DCHS2: variants seen among roughly 807,000 people sequenced by gnomAD.
DCHS2 encodes the protein dachsous cadherin-related 2, also known as protocadherin-23.
Under a neutral mutation model 182.4 loss-of-function variants are expected in DCHS2, and 142 were observed. That is an observed-to-expected ratio of 0.78 (90% CI 0.68 to 0.89). The LOEUF is 0.89. DCHS2 is among the 40% of genes least tolerant of loss of function. The probability of loss-of-function intolerance (pLI) is 0.00; values close to 1 mark genes in which losing one functional copy is unlikely to be tolerated. For missense variants in DCHS2, 4,319 were observed against 4,198.6 expected (o/e 1.03, Z -0.79); for synonymous variants, 1,740 against 1,663.3 (o/e 1.05, Z -1.12).
intron 13 of DCHS2, among the ~76,000 whole-genome samples, chr4:154,278,992 T>A (rs1357880561): frequency 6.6e-6 from 1 of 152,004 alleles, no homozygotes; most frequent in African/African-American, 2.4e-5. Context: ...GATGAAAAAA[T>A]CACTTTTATT....
chr4:154,312,906 A>G (rs1735720722), intron 10 of DCHS2, among the ~76,000 whole-genome samples: 1 of 152,182 alleles, frequency 6.6e-6, no homozygotes, highest in South Asian at 2.1e-4. Context: ...TGCATCTTAC[A>G]ATTAATGGTG....
rs188707456 is a variant in DCHS2 at position 154,486,513 on chromosome 4, G to A, written c.2052+2791C>T. The A allele has an allele frequency of 2.3e-4, 306 of 1,304,522 alleles. 2 individuals are homozygous for A. The highest frequency in any genetic ancestry group is 2.2e-5 in the Non-Finnish European group (22 of 988,230). 80.8% of individuals were successfully genotyped at this position (1,304,522 alleles called of 1,614,324 possible). A position where few individuals can be genotyped will look rare whatever the true frequency, so the allele number is the denominator to read the frequency against. On this transcript the variant is annotated intron_variant, in intron 1 of 19. Transcript: ENST00000357232. ...GATTTTGACAAAGGCAACTTGAGCA[G>A]ATATAAGCTGTAAAAGAGGAAAACT...
chr4:154,279,781 A>C (rs1291920712), intron 13 of DCHS2, among the ~76,000 whole-genome samples: 18 of 152,032 alleles, frequency 1.2e-4, no homozygotes, highest in Admixed American at 1.2e-3. Flanking sequence ...AAAAGAAGAA[A>C]GATCTCAAAT....
At chr4:154,321,609 T>G (rs1736064971) in intron 8 of DCHS2, among the ~76,000 whole-genome samples, 1 of 152,214 alleles carries the variant, frequency 6.6e-6, no homozygotes, top group Admixed American at 6.6e-5. Context: ...TGTGTACATT[T>G]AAGTATCATA....
At position 154,489,541 on chromosome 4, in the gene DCHS2, A is replaced by G. The variant is rs1728714223; in HGVS notation, c.1815T>C (p.Ser605=). 1.3e-6 allele frequency: 2 copies of G among 1,551,550 alleles called. No homozygotes were observed. The highest frequency in any genetic ancestry group is 2.4e-5 in the South Asian group (2 of 84,056). Residue 605 remains serine (S), a synonymous_variant, in exon 1 of 20, where the codon TCT becomes TCC. Coordinates refer to ENST00000357232, the MANE Select transcript of DCHS2 (RefSeq NM_001358235.2). ...CACCGCTTTCGGAATCAATGGCAAA[A>G]GATGGTCCACACTCTGCGGTGTGGA... The part of the protein sequence containing the change: ...KMVHTAECGP[S]FAIDSESGAI...
intron 1 of DCHS2, among the ~76,000 whole-genome samples, chr4:154,466,706 A>G (rs916230293): frequency 3.9e-4 from 60 of 152,344 alleles, no homozygotes; most frequent in African/African-American, 1.4e-3. Flanking sequence ...GCCAACTTAA[A>G]AAACCAGACT....
chr4:154,355,432 C>T (rs1158617408), intron 3 of DCHS2, among the ~76,000 whole-genome samples: 2 of 152,202 alleles, frequency 1.3e-5, no homozygotes, highest in South Asian at 2.1e-4. Context: ...TTTCCTGCCC[C>T]TTTCCCAGAA....
intron 7 of DCHS2, chr4:154,323,329 G>T: frequency 6.6e-7 from 1 of 1,522,782 alleles, no homozygotes; most frequent in South Asian, 1.2e-5. Flanking sequence ...CATAGGTCTA[G>T]CTGCCAAAAA....
In DCHS2 at chr4:154,359,243, C is replaced by G. The variant is rs150104386; in HGVS notation, c.2476+6967G>C. Among the ~76,000 whole-genome samples, 609 of 151,984 alleles carry G rather than the reference C, an allele frequency of 4.0e-3. 5 individuals carry two copies. The highest frequency in any genetic ancestry group is 0.014 in the African/African-American group (589 of 41,512). On this transcript the variant is annotated intron_variant, in intron 3 of 19. Transcript: ENST00000357232. The stretch of plus-strand genomic sequence containing the variant: ...TATAATGTTTGTCTATGCTCTTCAC[C>G]TTGTCACTTTTTATTTAAATAGAGG...
intron 14 of DCHS2, among the ~76,000 whole-genome samples, chr4:154,267,966 T>C (rs905269125): frequency 1.3e-5 from 2 of 152,218 alleles, no homozygotes; most frequent in African/African-American, 4.8e-5. Flanking sequence ...TGTTGCAACA[T>C]GTTACTGTCA....
intron 1 of DCHS2, among the ~76,000 whole-genome samples, chr4:154,482,383 G>A (rs531806568): frequency 5.3e-5 from 8 of 152,190 alleles, no homozygotes; most frequent in African/African-American, 7.2e-5. Context: ...GAGAAAGAAG[G>A]CCACTTTTGC....
At chr4:154,248,319 G>C (rs2111128230) in intron 16 of DCHS2, among the ~76,000 whole-genome samples, 1 of 152,176 alleles carries the variant, frequency 6.6e-6, no homozygotes, top group East Asian at 1.9e-4. Context: ...GAGAAAGTAA[G>C]GATTTTACAC....
chr4:154,459,900 T>C (rs1379688476), intron 1 of DCHS2, among the ~76,000 whole-genome samples: 1 of 152,194 alleles, frequency 6.6e-6, no homozygotes, highest in African/African-American at 2.4e-5. Flanking sequence ...CAAGTACTAA[T>C]CTAATACTTA....
At chr4:154,465,459 G>A (rs980330442) in intron 1 of DCHS2, among the ~76,000 whole-genome samples, 3 of 152,032 alleles carry the variant, frequency 2.0e-5, no homozygotes, top group African/African-American at 7.2e-5. Flanking sequence ...ACCTGAGGTC[G>A]GGAGCTCAAG....
At chr4:154,426,173 C>T (rs1733316337) in intron 1 of DCHS2, among the ~76,000 whole-genome samples, 1 of 152,204 alleles carries the variant, frequency 6.6e-6, no homozygotes, top group Non-Finnish European at 1.5e-5. Context: ...CCCGCTTCTA[C>T]TGGCCTATTG....
intron 3 of DCHS2, among the ~76,000 whole-genome samples, chr4:154,363,211 A>G (rs1730203267): frequency 6.6e-6 from 1 of 152,190 alleles, no homozygotes; most frequent in Admixed American, 6.6e-5. Flanking sequence ...TCTACTTCTG[A>G]GTATATATCC....
intron 10 of DCHS2, among the ~76,000 whole-genome samples, chr4:154,305,721 C>T (rs114020191): frequency 0.019 from 2,876 of 152,178 alleles, 31 homozygotes; most frequent in Middle Eastern, 0.037. Flanking sequence ...GTTTTGTTTT[C>T]GACTTAGTGT....
At chr4:154,401,282 A>T (rs1007816157) in intron 1 of DCHS2, among the ~76,000 whole-genome samples, 3 of 152,170 alleles carry the variant, frequency 2.0e-5, no homozygotes, top group Non-Finnish European at 4.4e-5. Context: ...TTCACCACGG[A>T]CATCTGTTAT....
chr4:154,426,769 A>G (rs1416428229), intron 1 of DCHS2, among the ~76,000 whole-genome samples: 4 of 20,968 alleles, frequency 1.9e-4, no homozygotes, highest in African/African-American at 2.5e-4. Context: ...CTTTGTCTCT[A>G]CAAAATAAAA....
Sources: allele counts gnomAD v4.1 joint callset (sites outside exome capture counted in the v4.1 genomes callset), GRCh38; gene constraint gnomAD v4.1.1; transcripts MANE v1.5; gene names NCBI Gene and HGNC (gene_info 2026-07-23, HGNC 2026-07-21).